PIEZO2: variants seen among roughly 807,000 people sequenced by gnomAD.
The protein encoded by PIEZO2 is piezo-type mechanosensitive ion channel component 2.
In PIEZO2, 172 loss-of-function variants were observed where a neutral mutation model predicts 337.3. The observed-to-expected ratio is 0.51, with a 90% CI of 0.45 to 0.58. The LOEUF is 0.58. PIEZO2 is among the 20% of genes least tolerant of loss of function. PIEZO2 has a pLI of 0.00. For missense variants in PIEZO2, 3,028 were observed against 3,391.3 expected, an observed-to-expected ratio of 0.89 and a Z score of 2.66; for synonymous variants, 1,251 against 1,228.5, an observed-to-expected ratio of 1.02 and a Z score of -0.38.
chr18:10,705,801 G>C, intron 40 of PIEZO2, 55 bp from the exon 41 acceptor site: 1 of 1,452,764 alleles, frequency 6.9e-7, no homozygotes, highest in Non-Finnish European at 9.0e-7. Flanking sequence ...ACACTCCTGG[G>C]GTTCTTTCCC....
At chr18:10,987,274 T>C (rs1003862491) in intron 2 of PIEZO2, among the ~76,000 whole-genome samples, 1 of 151,976 alleles carries the variant, frequency 6.6e-6, no homozygotes, top group African/African-American at 2.4e-5. Context: ...GATAAGAACA[T>C]AGCTGGAAGC....
At chr18:10,987,129 C>T (rs1432864544) in intron 2 of PIEZO2, among the ~76,000 whole-genome samples, 2 of 152,014 alleles carry the variant, frequency 1.3e-5, no homozygotes, top group African/African-American at 2.4e-5. Flanking sequence ...GATGCCCATA[C>T]TGCCAAAAGG....
At chr18:10,723,480 G>C (rs544423237) in intron 36 of PIEZO2, among the ~76,000 whole-genome samples, 3 of 152,338 alleles carry the variant, frequency 2.0e-5, no homozygotes, top group African/African-American at 7.2e-5. Context: ...GGGAGATGTA[G>C]TGGGGCTGTA....
chr18:10,958,459 G>GCAATCTATTGCACTGCATGGTGAC (rs2033631686), intron 3 of PIEZO2, among the ~76,000 whole-genome samples: 2 of 152,098 alleles, frequency 1.3e-5, no homozygotes, highest in African/African-American at 2.4e-5. Context: ...CTAAGTGTTT[G>GCAATCTATTGCACTGCATGGTGAC]CAATCTATTG....
Position 10,707,188 on chromosome 18 carries a change from C to T in PIEZO2, c.5588+1087G>A, listed in dbSNP as rs2035621514. 6.6e-6 allele frequency among the ~76,000 whole-genome samples: 1 copy of T among 152,118 alleles called. No homozygotes were observed. The highest frequency in any genetic ancestry group is 6.5e-5 in the Admixed American group (1 of 15,274). The stretch of plus-strand genomic sequence containing the variant: ...TTCCTAGGAGGGCCATGCCATTGAC[C>T]CATTGCCCAGGGAACTTGCAGACTA... On this transcript the variant is annotated intron_variant, in intron 40 of 55. Transcript: ENST00000674853. The surrounding 1 kb of genome is among the most constrained non-coding windows in gnomAD (Gnocchi z 4.2).
chr18:10,703,601 T>A (rs1161670831), intron 42 of PIEZO2, among the ~76,000 whole-genome samples: 1 of 152,114 alleles, frequency 6.6e-6, no homozygotes, highest in East Asian at 1.9e-4. Flanking sequence ...TCCTTACAAG[T>A]CAGGGAAGAA....
intron 3 of PIEZO2, among the ~76,000 whole-genome samples, chr18:10,957,241 A>G (rs1338676276): frequency 3.3e-5 from 5 of 151,862 alleles, no homozygotes; most frequent in Admixed American, 1.3e-4. Context: ...TACTAAAAAT[A>G]CAAAAATTAG....
rs767619284 is a variant in PIEZO2, at chr18:10,807,261, T to C, written c.931A>G (p.Lys311Glu). The change falls in exon 8 of 56, where the codon AAG becomes GAG. Residue 311 changes from lysine to glutamate, a missense_variant. By Grantham distance (56) the Lys-to-Glu change is moderately conservative (BLOSUM62 1). Transcript: ENST00000674853. ...NDYYARLFGI[K>E]SVIQTDCSST... ...GAACAGTCCGTTTGAATTACTGACT[T>C]GATACCAAACAACCTGTTAAAAAAC... 19 of 1,536,204 alleles carry C rather than the reference T, an allele frequency of 1.2e-5. No individual in the cohort carries two copies. In the South Asian group the frequency reaches 2.3e-4, roughly 18 times the overall value.
At chr18:11,088,078 G>A (rs2038964174) in intron 1 of PIEZO2, among the ~76,000 whole-genome samples, 1 of 152,190 alleles carries the variant, frequency 6.6e-6, no homozygotes, top group African/African-American at 2.4e-5. Context: ...CTGGACCTTA[G>A]GCAGACCTCA....
intron 2 of PIEZO2, among the ~76,000 whole-genome samples, chr18:11,051,370 G>GTGTGTGTGT (rs1568330522): frequency 0.013 from 1,299 of 97,256 alleles, 16 homozygotes; most frequent in African/African-American, 0.035. Context: ...TGTGTGTGTG[G>GTGTGTGTGT]GTGTGGGTGT....
At chr18:10,932,125 AAAC>A (rs1336928107) in intron 3 of PIEZO2, among the ~76,000 whole-genome samples, 1 of 152,238 alleles carries the variant, frequency 6.6e-6, no homozygotes, top group Non-Finnish European at 1.5e-5. Context: ...TTTGCCTACA[AAAC>A]AACAATATCA....
In PIEZO2 at chr18:10,696,990, G is replaced by A. The variant is rs1476102538; in HGVS notation, c.6828-451C>T. ...AGTAAATGAGGGAATGCATGAGGGC[G>A]CTCAGACTTGGAGTGCTTGGTCCAT... is the stretch of plus-strand genomic sequence containing the variant. On this transcript the variant is annotated intron_variant, in intron 45 of 55. Transcript: ENST00000674853. 3.9e-5 allele frequency among the ~76,000 whole-genome samples: 6 copies of A among 152,288 alleles called. No homozygotes were observed. In the East Asian group the frequency reaches 7.7e-4, roughly 20 times the overall value.
intron 2 of PIEZO2, among the ~76,000 whole-genome samples, chr18:11,025,045 C>G (rs2036487438): frequency 6.6e-6 from 1 of 151,868 alleles, no homozygotes; most frequent in Admixed American, 6.6e-5. Flanking sequence ...TACACGGAAG[C>G]ATTTCTATAA....
At chr18:11,006,115 G>A (rs1031816533) in intron 2 of PIEZO2, among the ~76,000 whole-genome samples, 3 of 151,990 alleles carry the variant, frequency 2.0e-5, no homozygotes, top group South Asian at 2.1e-4. Context: ...GAAGACCCCC[G>A]GTCATCCAAG....
chr18:10,880,708 T>C (rs2042386541), intron 4 of PIEZO2, among the ~76,000 whole-genome samples: 1 of 151,688 alleles, frequency 6.6e-6, no homozygotes, highest in Admixed American at 6.6e-5. Flanking sequence ...TCTACTTTTG[T>C]TTGTCTTAAA....
chr18:11,112,906 T>TA lies in PIEZO2; in HGVS notation c.64+35618dup, dbSNP rs2039778549. Among the ~76,000 whole-genome samples the TA allele has an allele frequency of 6.6e-6, 1 of 152,204 alleles. No individual in the cohort carries two copies. The highest frequency in any genetic ancestry group is 2.1e-4 in the South Asian group (1 of 4,828). Reference sequence around the variant, plus strand: ...CTCTCAAACAGTCTCTGGGCCCATCTAAGACTGCCTCCCAGGGTTTTCTCA... The same window carrying TA: ...CTCTCAAACAGTCTCTGGGCCCATCTAAAGACTGCCTCCCAGGGTTTTCTCA... On this transcript the variant is annotated intron_variant, in intron 1 of 55. Coordinates refer to ENST00000674853, the MANE Select transcript of PIEZO2 (RefSeq NM_001378183.1). The surrounding 1 kb of genome is among the most constrained non-coding windows in gnomAD (Gnocchi z 4.3).
At position 10,677,683 on chromosome 18, in the gene PIEZO2, T is replaced by C. The variant is rs2034070387; in HGVS notation, c.8081+64A>G. 2 of 1,538,972 alleles carry C rather than the reference T, an allele frequency of 1.3e-6. No homozygotes were observed. Among genetic ancestry groups the C allele is most frequent in the Non-Finnish European group, 1.8e-6 (2 of 1,135,104 alleles). On this transcript the variant is annotated intron_variant, in intron 53 of 55. Coordinates refer to ENST00000674853, the MANE Select transcript of PIEZO2 (RefSeq NM_001378183.1). This position sits in a 1 kb window ranked among gnomAD's most constrained non-coding sequence, Gnocchi z 4.1. ...TTCCTCATACACATGAATCTGTAGA[T>C]GGACATTTTGTACCAGCTGCATATA...
Position 10,741,042 on chromosome 18 carries a change from T to A in PIEZO2, c.4697A>T (p.Asp1566Val). The A allele has an allele frequency of 6.5e-7, 1 of 1,537,232 alleles. No homozygotes were observed. Among genetic ancestry groups the A allele is most frequent in the African/African-American group, 1.4e-5 (1 of 73,160 alleles). ...KKKQWWRPWV[D>V]HASMVRSGDY... Reference sequence around the variant, plus strand: ...TCGAGAAAACCTACTGGAAGCATGATCAACCCAAGGCCGCCACCACTGCTT... The same window carrying A: ...TCGAGAAAACCTACTGGAAGCATGAACAACCCAAGGCCGCCACCACTGCTT... The change falls in exon 33 of 56, where the codon GAT (aspartate) becomes GTT (valine). Residue 1566 changes from aspartate to valine, a missense_variant. By Grantham distance (152) the Asp-to-Val change is radical. Transcript: ENST00000674853.
rs1211929038 is a variant in PIEZO2 at position 11,066,288 on chromosome 18, G to A, written c.65-66C>T. On this transcript the variant is annotated intron_variant, in intron 1 of 55. Transcript: ENST00000674853. ...CAAAGGCAGGTTGACAAAACCAGGGGTGCATAACAAAAGATGGTCTCAGAT... is the reference window on the plus strand; with the variant it reads ...CAAAGGCAGGTTGACAAAACCAGGGATGCATAACAAAAGATGGTCTCAGAT... The A allele has an allele frequency of 8.6e-6, 11 of 1,273,720 alleles. No homozygotes were observed. The East Asian group carries it at 2.0e-4, about 23-fold the overall frequency. 78.9% of individuals were successfully genotyped at this position (1,273,720 alleles called of 1,614,324 possible).
Sources: gnomAD v4.1 joint callset for allele counts (sites outside exome capture counted in the v4.1 genomes callset) on GRCh38, gnomAD v4.1.1 for gene constraint, Gnocchi (gnomAD v3.1) non-coding constraint, MANE v1.5 for transcripts, NCBI Gene and HGNC (gene_info 2026-07-23, HGNC 2026-07-21) for gene names.